SPON1: variants seen among roughly 807,000 people sequenced by gnomAD.
SPON1 encodes spondin-1.
Under a neutral mutation model 111.7 loss-of-function variants are expected in SPON1, and 52 were observed. That is an observed-to-expected ratio of 0.47 (90% CI 0.37 to 0.59). The LOEUF (loss-of-function observed/expected upper bound fraction) is 0.59, where lower values mean the gene tolerates loss of function less well. SPON1 is among the 20% of genes least tolerant of loss of function. The pLI, the probability that SPON1 is intolerant of heterozygous loss-of-function variation, is 0.00. For missense variants in SPON1, 957 were observed against 1,068.5 expected, an observed-to-expected ratio of 0.90 and a Z score of 1.46; for synonymous variants, 410 against 395.8, an observed-to-expected ratio of 1.04 and a Z score of -0.43.
At chr11:14,159,534 T>C (rs552158388) in intron 6 of SPON1, among the ~76,000 whole-genome samples, 1 of 152,184 alleles carries the variant, frequency 6.6e-6, no homozygotes, top group East Asian at 1.9e-4. Context: ...CACTGCTGGG[T>C]ATAGATCCAA....
rs992269001 is a variant in SPON1 at position 13,964,873 on chromosome 11, C to T, written c.238+1731C>T. Among the ~76,000 whole-genome samples, 40 of 152,138 alleles carry T rather than the reference C, an allele frequency of 2.6e-4. 1 individual carries two copies. The highest frequency in any genetic ancestry group is 1.3e-4 in the Non-Finnish European group (9 of 68,020). On this transcript the variant is annotated intron_variant, in intron 1 of 15. Transcript: ENST00000576479. ...CTGAGTTCACAGGGGAAACTGTCCC[C>T]GCTCCACGTAGCAGAGAAAGAAGTG... is the stretch of plus-strand genomic sequence containing the variant.
chr11:14,162,575 A>T (rs1026021789), intron 6 of SPON1, among the ~76,000 whole-genome samples: 1 of 152,196 alleles, frequency 6.6e-6, no homozygotes, highest in South Asian at 2.1e-4. Context: ...AACTTTTCCC[A>T]ATCTTTTACA....
At position 14,265,485 on chromosome 11, in the gene SPON1, C is replaced by T. The variant is rs782052421; in HGVS notation, c.2261-39C>T. Reference sequence around the variant, plus strand: ...AGAGTTCAGCATCCCTGTTCCGTCCCGTTTCTGCGGGCCTAACAAGGCATT... The same window carrying T: ...AGAGTTCAGCATCCCTGTTCCGTCCTGTTTCTGCGGGCCTAACAAGGCATT... On this transcript the variant is annotated intron_variant, in intron 15 of 15. Transcript: ENST00000576479. The T allele has an allele frequency of 3.8e-6, 6 of 1,593,520 alleles. No individual in the cohort carries two copies. In the African/African-American group the frequency reaches 4.0e-5, roughly 11 times the overall value.
intron 6 of SPON1, among the ~76,000 whole-genome samples, chr11:14,217,509 A>G (rs1405429106): frequency 2.0e-5 from 3 of 152,218 alleles, no homozygotes; most frequent in African/African-American, 7.2e-5. Context: ...ATATATTTGC[A>G]GAAATATTTG....
In SPON1 at chr11:14,267,227, C is replaced by CTAAG. The variant is rs1405902691; in HGVS notation, c.*1546_*1549dup. ...TCACTGGGTCTTTCATGTCTTTAAG[C>CTAAG]TAAGTAAGTGTTCAGAAGGTTCTTT... On this transcript the variant is annotated 3_prime_UTR_variant, in exon 16 of 16. Transcript: ENST00000576479. The CTAAG allele has an allele frequency of 2.0e-5, 3 of 152,242 alleles. No individual in the cohort carries two copies. The highest frequency in any genetic ancestry group is 7.2e-5 in the African/African-American group (3 of 41,540). 9.4% of individuals were successfully genotyped at this position (152,242 alleles called of 1,614,324 possible). A position where few individuals can be genotyped will look rare whatever the true frequency, so the allele number is the denominator to read the frequency against.
At chr11:14,236,773 A>C (rs1554939254) in intron 6 of SPON1, among the ~76,000 whole-genome samples, 1 of 151,782 alleles carries the variant, frequency 6.6e-6, no homozygotes, top group African/African-American at 2.4e-5. Flanking sequence ...AAAGCTTTTC[A>C]AGGCAGAGGG....
Position 14,160,796 on chromosome 11 carries a change from ATATTTTTATATATATTTTTATATATAT to A in SPON1, c.825+25230_825+25256del, listed in dbSNP as rs1554931027. ...TATATATATTTTTATATATATTTAT[ATATTTTTATATATATTTTTATATATAT>A]TTTATATATATTTATATATTTATAT... On this transcript the variant is annotated intron_variant, in intron 6 of 15. Transcript: ENST00000576479. Among the ~76,000 whole-genome samples the A allele has an allele frequency of 5.2e-3, 192 of 36,682 alleles. 17 individuals carry two copies. Among genetic ancestry groups the A allele is most frequent in the East Asian group, 8.5e-3 (7 of 820 alleles). The allele number at this position is 36,682 out of a possible 152,430, so 24.1% of individuals were successfully genotyped here.
At chr11:14,229,079 G>T (rs1223734730) in intron 6 of SPON1, among the ~76,000 whole-genome samples, 3 of 152,202 alleles carry the variant, frequency 2.0e-5, no homozygotes, top group Non-Finnish European at 4.4e-5. Flanking sequence ...TCTCCGTGGT[G>T]TGACAATCAC....
At chr11:14,206,722 A>G (rs1316871285) in intron 6 of SPON1, among the ~76,000 whole-genome samples, 1 of 152,230 alleles carries the variant, frequency 6.6e-6, no homozygotes, top group Non-Finnish European at 1.5e-5. Flanking sequence ...TACTACTCAA[A>G]GAAATCACAG....
chr11:13,988,147 A>G (rs1451028848), intron 2 of SPON1, among the ~76,000 whole-genome samples: 1 of 152,180 alleles, frequency 6.6e-6, no homozygotes, highest in African/African-American at 2.4e-5. Flanking sequence ...TTTGGGCAGT[A>G]TGGCCATTTT....
At position 14,101,154 on chromosome 11, in the gene SPON1, C is replaced by CT. The variant is rs1335479564; in HGVS notation, c.676+21136dup. 3.3e-5 allele frequency among the ~76,000 whole-genome samples: 5 copies of CT among 152,172 alleles called. 1 individual carries two copies. The East Asian group carries it at 9.7e-4, about 29-fold the overall frequency. The stretch of plus-strand genomic sequence containing the variant: ...GTGGCTAATGCCTGTAATCCCAGTG[C>CT]TTTGGGAGGCTGAGGTGGGCGGATC... On this transcript the variant is annotated intron_variant, in intron 5 of 15. Coordinates refer to ENST00000576479, the MANE Select transcript of SPON1 (RefSeq NM_006108.4).
At chr11:14,047,421 A>G (rs1161828733) in intron 3 of SPON1, among the ~76,000 whole-genome samples, 2 of 152,204 alleles carry the variant, frequency 1.3e-5, no homozygotes, top group African/African-American at 4.8e-5. Context: ...TAAGGCAAGA[A>G]GTGTAGGCAC....
chr11:14,018,169 A>C (rs1848456477), intron 2 of SPON1, among the ~76,000 whole-genome samples: 1 of 152,202 alleles, frequency 6.6e-6, no homozygotes, highest in South Asian at 2.1e-4. Flanking sequence ...GATATATTTC[A>C]ATACATGGAT....
At chr11:14,179,792 C>T (rs1848218464) in intron 6 of SPON1, among the ~76,000 whole-genome samples, 2 of 151,690 alleles carry the variant, frequency 1.3e-5, no homozygotes, top group South Asian at 2.1e-4. Context: ...CTCGCAGTAG[C>T]ACTTAAAAAA....
At chr11:14,010,913 A>C (rs571373896) in intron 2 of SPON1, among the ~76,000 whole-genome samples, 1 of 152,328 alleles carries the variant, frequency 6.6e-6, no homozygotes, top group Non-Finnish European at 1.5e-5. Context: ...CCAGCCAGAG[A>C]AAAATAAAAT....
At chr11:14,170,029 G>A (rs1848078861) in intron 6 of SPON1, among the ~76,000 whole-genome samples, 2 of 152,134 alleles carry the variant, frequency 1.3e-5, no homozygotes, top group South Asian at 4.1e-4. Flanking sequence ...CCAATTCTGT[G>A]AAGAAAGTCA....
At chr11:14,209,744 T>C (rs1591412251) in intron 6 of SPON1, among the ~76,000 whole-genome samples, 1 of 152,350 alleles carries the variant, frequency 6.6e-6, no homozygotes. Flanking sequence ...GTCTTTATAG[T>C]AGAATGATTT....
intron 6 of SPON1, among the ~76,000 whole-genome samples, chr11:14,172,937 A>T (rs11529125): frequency 0.18 from 27,250 of 151,440 alleles, 2,873 homozygotes; most frequent in Admixed American, 0.24. Flanking sequence ...TTTTTCCTTC[A>T]TTTCAACTTT....
intron 14 of SPON1, 79 bp from the exon 15 acceptor site, chr11:14,262,633 G>C: frequency 1.9e-6 from 3 of 1,565,334 alleles, no homozygotes; most frequent in Non-Finnish European, 2.6e-6. Flanking sequence ...TCATAGGCTT[G>C]TTGAGATGTT....
Sources: allele counts gnomAD v4.1 joint callset (sites outside exome capture counted in the v4.1 genomes callset), GRCh38; gene constraint gnomAD v4.1.1; transcripts MANE v1.5; gene names NCBI Gene and HGNC (gene_info 2026-07-23, HGNC 2026-07-21).